The following SRPK3 variants were observed in gnomAD, a reference collection of about 807,000 sequenced individuals.
The protein encoded by SRPK3 is SRSF protein kinase 3, also known as SFRS protein kinase 3.
A neutral mutation model predicts 45.3 loss-of-function variants in SRPK3; 26 were observed. That is an observed-to-expected ratio of 0.57 (90% CI 0.42 to 0.80). SRPK3 has a LOEUF of 0.80. Ranked by LOEUF, SRPK3 falls within the 30% of genes least tolerant of loss-of-function variation. The pLI is 0.00. For synonymous variants in SRPK3, 254 were observed against 226.6 expected (o/e 1.12, Z -1.09); for missense variants, 536 against 514.5 (o/e 1.04, Z -0.40).
rs146982682 is a variant in SRPK3 at position 153,781,261 on chromosome X, C to G, written c.105C>G (p.Ala35=). 8.4e-5 allele frequency: 101 copies of G among 1,208,673 alleles called. No homozygotes were observed. In the East Asian group the frequency reaches 1.4e-3, roughly 17 times the overall value. Residue 35 remains alanine (A), a synonymous_variant, in exon 2 of 15, where the codon GCC becomes GCG. Transcript: ENST00000370101. The part of the protein sequence containing the change: ...CGPESSGSEL[A]LATPVPQMLQ... ...CCGAGTCCTCGGGCTCCGAACTAGC[C>G]CTGGCCACACCGGTGCCTCAGATGC...
rs1557067452 is a variant in SRPK3 at position 153,783,054 on chromosome X, G to A, written c.684G>A (p.Arg228=). Residue 228 remains arginine, a synonymous_variant, in exon 7 of 15, where the codon AGG becomes AGA. Transcript: ENST00000370101. ...ILLCVGDAYI[R]RLAAEATEWQ... ...TGTGTGTGGGGGACGCTTACATCAG[G>A]CGCCTGGCTGCCGAGGCCACGGAGT... 8.5e-7 allele frequency: 1 copy of A among 1,176,496 alleles called. No homozygotes were observed. Among genetic ancestry groups the A allele is most frequent in the Admixed American group, 2.4e-5 (1 of 41,375 alleles).
At chrX:153,782,279 G>A (rs1220042747) in intron 5 of SRPK3, 71 bp downstream of exon 5, 3 of 945,508 alleles carry the variant, frequency 3.2e-6, no homozygotes, top group Admixed American at 2.2e-5. Flanking sequence ...CTCGCTGCTA[G>A]AGCCTGTCTG....
Position 153,781,803 on chromosome X carries a change from T to C in SRPK3, c.360T>C (p.Ala120=), listed in dbSNP as rs1252759292. The C allele has an allele frequency of 8.3e-7, 1 of 1,211,407 alleles. No homozygotes were observed. Among genetic ancestry groups the C allele is most frequent in the Non-Finnish European group, 1.1e-6 (1 of 895,453 alleles). Residue 120 remains alanine (A), a synonymous_variant, in exon 4 of 15, where the codon GCT becomes GCC. Coordinates refer to ENST00000370101, the MANE Select transcript of SRPK3 (RefSeq NM_014370.4). ...VKSAGHYTET[A]VDEIKLLKCV... Reference sequence around the variant, plus strand: ...GTGCGGGGCATTACACGGAGACAGCTGTGGATGAGATCAAGCTCCTGAAAT... The same window carrying C: ...GTGCGGGGCATTACACGGAGACAGCCGTGGATGAGATCAAGCTCCTGAAAT...
rs782530763 is a variant in SRPK3 at position 153,781,793 on chromosome X, C to T, written c.350C>T (p.Thr117Met). 1.4e-5 allele frequency: 17 copies of T among 1,211,646 alleles called. No homozygotes were observed. Among genetic ancestry groups the T allele is most frequent in the Admixed American group, 2.2e-5 (1 of 46,134 alleles). ...GTGGTGAAGAGTGCGGGGCATTACA[C>T]GGAGACAGCTGTGGATGAGATCAAG... ...LKVVKSAGHY[T>M]ETAVDEIKLL... The change falls in exon 4 of 15, where the codon ACG becomes ATG. Residue 117 changes from threonine to methionine, a missense_variant. By Grantham distance (81) the Thr-to-Met change is moderately conservative (BLOSUM62 -1). Coordinates refer to ENST00000370101, the MANE Select transcript of SRPK3 (RefSeq NM_014370.4).
At position 153,785,171 on chromosome X, in the gene SRPK3, G is replaced by A. The variant is rs782032868; in HGVS notation, c.1517G>A (p.Arg506Lys). 3 of 1,208,337 alleles carry A rather than the reference G, an allele frequency of 2.5e-6. No individual in the cohort carries two copies. Among genetic ancestry groups the A allele is most frequent in the South Asian group, 1.8e-5 (1 of 56,541 alleles). ...GRYSREFFNR[R>K]GELRHIHNLK... is the part of the protein sequence containing the mutation. ...TATTCCCGGGAGTTCTTCAACCGGA[G>A]AGGTGAGGGCCCGGGCAGCCTCAGG... Residue 506 changes from arginine (R) to lysine (K), a missense_variant and splice_region_variant, in exon 14 of 15, where the codon AGA becomes AAA. Physicochemically the swap from Arg to Lys is conservative, Grantham distance 26 (BLOSUM62 2). Transcript: ENST00000370101.
chrX:153,782,279 G>C (rs1220042747), intron 5 of SRPK3, 71 bp downstream of exon 5: 1 of 946,705 alleles, frequency 1.1e-6, no homozygotes, highest in Non-Finnish European at 1.5e-6. Flanking sequence ...CTCGCTGCTA[G>C]AGCCTGTCTG....
intron 8 of SRPK3, 119 bp downstream of exon 8, chrX:153,783,370 C>G (rs1329900051): frequency 4.0e-5 from 21 of 529,085 alleles, no homozygotes; most frequent in Non-Finnish European, 6.1e-5. Context: ...GTGGTAATCC[C>G]GAAAGGCTGG....
intron 4 of SRPK3, 25 bp downstream of exon 4, chrX:153,781,855 C>T (rs1557067018): frequency 1.7e-6 from 2 of 1,204,441 alleles, no homozygotes; most frequent in South Asian, 3.5e-5. Flanking sequence ...TACCCCACTC[C>T]CAGCTCCCCT....
rs200203055 is a variant in SRPK3 at position 153,785,551 on chromosome X, G to A, written c.*31G>A. On this transcript the variant is annotated 3_prime_UTR_variant, in exon 15 of 15. Coordinates refer to ENST00000370101, the MANE Select transcript of SRPK3 (RefSeq NM_014370.4). ...GCTGTGGCTCCACCTCCAGCTCTCC[G>A]TGCCTTAAGGGAAAAGCGGGACAGC... 69 of 1,187,956 alleles carry A rather than the reference G, an allele frequency of 5.8e-5. No homozygotes were observed. In the Admixed American group the frequency reaches 1.2e-3, roughly 21 times the overall value.
intron 5 of SRPK3, 69 bp from the exon 6 acceptor site, chrX:153,782,703 C>T: frequency 1.9e-6 from 2 of 1,065,857 alleles, no homozygotes; most frequent in Non-Finnish European, 2.5e-6. Context: ...TTGCTGCTCC[C>T]CTAGCTGAGG....
chrX:153,784,705 A>G, intron 11 of SRPK3, 45 bp from the exon 12 acceptor site: 1 of 1,191,952 alleles, frequency 8.4e-7, no homozygotes, highest in Non-Finnish European at 1.1e-6. Context: ...TGGGGGCAGG[A>G]CAGCCTTGGC....
chrX:153,781,195 T>C, intron 1 of SRPK3, 21 bp from the exon 2 acceptor site: 1 of 1,202,385 alleles, frequency 8.3e-7, no homozygotes. Flanking sequence ...TCATGCCCAC[T>C]GCCACTCACC....
At chrX:153,781,190 C>T in intron 1 of SRPK3, 26 bp from the exon 2 acceptor site, 3 of 1,199,977 alleles carry the variant, frequency 2.5e-6, no homozygotes, top group South Asian at 1.8e-5. Flanking sequence ...GTCTCTCATG[C>T]CCACTGCCAC....
chrX:153,781,757 T>C lies in SRPK3; in HGVS notation c.314T>C (p.Val105Ala), dbSNP rs782459498. The C allele has an allele frequency of 5.0e-6, 6 of 1,211,723 alleles. No individual in the cohort carries two copies. The Admixed American group carries it at 1.1e-4, about 22-fold the overall frequency. The part of the protein sequence containing the change: ...LCWDIQRKRF[V>A]ALKVVKSAGH... ...CGGTATTGCAGGCGCAAGCGCTTTG[T>C]GGCCCTCAAAGTGGTGAAGAGTGCG... The change falls in exon 4 of 15, where the codon GTG becomes GCG. Residue 105 changes from valine to alanine, a missense_variant. Transcript: ENST00000370101.
At chrX:153,783,371 G>C (rs1010637294) in intron 8 of SRPK3, 120 bp downstream of exon 8, 2 of 525,025 alleles carry the variant, frequency 3.8e-6, no homozygotes, top group Non-Finnish European at 6.2e-6. Flanking sequence ...TGGTAATCCC[G>C]AAAGGCTGGG....
In SRPK3 at chrX:153,782,186, G is replaced by C. The variant is rs782414864; in HGVS notation, c.453G>C (p.Arg151Ser). The C allele has an allele frequency of 8.3e-7, 1 of 1,209,512 alleles. No individual in the cohort carries two copies. Among genetic ancestry groups the C allele is most frequent in the Non-Finnish European group, 1.1e-6 (1 of 893,814 alleles). Residue 151 changes from arginine to serine, a missense_variant, in exon 5 of 15, where the codon AGG becomes AGC. Coordinates refer to ENST00000370101, the MANE Select transcript of SRPK3 (RefSeq NM_014370.4). ...ETIVQLIDDFRISGVNGVHVC... is the reference protein window; with the variant it reads ...ETIVQLIDDFSISGVNGVHVC... ...TTGTCCAGCTCATTGATGACTTCAG[G>C]ATCTCAGGAGTCAATGGAGTCCGTA...
Position 153,782,041 on chromosome X carries a change from CAGG to C in SRPK3, c.388-77_388-75del, listed in dbSNP as rs1282425342. The C allele has an allele frequency of 7.9e-5, 78 of 983,327 alleles. 1 individual carries two copies. Among genetic ancestry groups the C allele is most frequent in the Middle Eastern group, 7.8e-4 (3 of 3,841 alleles). The allele number at this position is 983,327 out of a possible 1,213,427, so 81.0% of individuals were successfully genotyped here. On this transcript the variant is annotated intron_variant, in intron 4 of 14. Transcript: ENST00000370101. ...TTCTTCCAGCAGGGCCCAGCTGGAGCAGGAGAAGGGTACACTGAAGGGAGCTGT... is the reference window on the plus strand; with the variant it reads ...TTCTTCCAGCAGGGCCCAGCTGGAGCAGAAGGGTACACTGAAGGGAGCTGT...
chrX:153,781,285 G>A lies in SRPK3; in HGVS notation c.129G>A (p.Met43Ile), dbSNP rs2092050059. The change falls in exon 2 of 15, where the codon ATG becomes ATA. Residue 43 changes from methionine (M) to isoleucine (I), a missense_variant. Physicochemically the swap from Met to Ile is conservative, Grantham distance 10. Transcript: ENST00000370101. ...CCCTGGCCACACCGGTGCCTCAGAT[G>A]CTGCAGGGCCTTCTGGGCTCCGACG... ...ELALATPVPQ[M>I]LQGLLGSDDE... 1 of 1,208,712 alleles carries A rather than the reference G, an allele frequency of 8.3e-7. No individual in the cohort carries two copies. Among genetic ancestry groups the A allele is most frequent in the Non-Finnish European group, 1.1e-6 (1 of 894,131 alleles).
intron 8 of SRPK3, 74 bp from the exon 9 acceptor site, chrX:153,783,678 T>G (rs1052554137): frequency 2.5e-6 from 3 of 1,184,959 alleles, no homozygotes; most frequent in Non-Finnish European, 3.4e-6. Flanking sequence ...CCCTGGCGGC[T>G]GTGCAGGGAA....
Sources: allele counts gnomAD v4.1 joint callset, GRCh38; gene constraint gnomAD v4.1.1; transcripts MANE v1.5; gene names NCBI Gene and HGNC (gene_info 2026-07-23, HGNC 2026-07-21).